The following NUP160 variants were observed in gnomAD, a reference collection of about 807,000 sequenced individuals.
NUP160 encodes the protein nuclear pore complex protein Nup160.
A neutral mutation model predicts 196.9 loss-of-function variants in NUP160; 94 were observed. The ratio of observed to expected loss-of-function variants is 0.48; its 90% CI spans 0.40 to 0.57. The LOEUF (loss-of-function observed/expected upper bound fraction) is 0.57, where lower values mean the gene tolerates loss of function less well. Among genes scored for constraint, NUP160 ranks in the 20% least tolerant of loss-of-function variants. NUP160 has a pLI of 0.00. For missense variants in NUP160, 1,638 were observed against 1,748.3 expected, an observed-to-expected ratio of 0.94 and a Z score of 1.13; for synonymous variants, 605 against 619.7, an observed-to-expected ratio of 0.98 and a Z score of 0.35.
At chr11:47,819,659 T>C (rs1415503054) in intron 9 of NUP160, among the ~76,000 whole-genome samples, 1 of 152,186 alleles carries the variant, frequency 6.6e-6, no homozygotes, top group Admixed American at 6.5e-5. Context: ...CAAGTTTGCT[T>C]ACCATGTTTT....
chr11:47,779,096 C>A (rs532012888), exon 36 of NUP160: 1 of 1,607,796 alleles, frequency 6.2e-7, no homozygotes, highest in African/African-American at 1.3e-5. Flanking sequence ...GGCTAGGTGA[C>A]AATCCAAATC....
At chr11:47,822,731 C>G (rs1289441678) in intron 7 of NUP160, among the ~76,000 whole-genome samples, 1 of 152,158 alleles carries the variant, frequency 6.6e-6, no homozygotes, top group Non-Finnish European at 1.5e-5. Flanking sequence ...CCCCCTACCC[C>G]ACGACAGGTG....
chr11:47,843,850 C>A lies in NUP160; in HGVS notation c.315-3262G>T, dbSNP rs576005017. Among the ~76,000 whole-genome samples the A allele has an allele frequency of 2.0e-5, 3 of 152,316 alleles. No homozygotes were observed. In the South Asian group the frequency reaches 6.2e-4, roughly 32 times the overall value. ...ATGCCAACAATTTCACAATCTGTAT[C>A]TTTAGCCCAACTTCTCCACTCAACT... is the stretch of plus-strand genomic sequence containing the variant. On this transcript the variant is annotated intron_variant, in intron 2 of 35. Coordinates refer to ENST00000378460, the Ensembl canonical transcript of NUP160.
At chr11:47,786,931 G>A (rs1045614418) in intron 31 of NUP160, 1 of 216,504 alleles carries the variant, frequency 4.6e-6, no homozygotes, top group African/African-American at 2.4e-5. Flanking sequence ...TGGGACTACA[G>A]GCCCATGCCA....
At chr11:47,778,799 T>A (rs768829188) in exon 36 of NUP160, 2 of 210,764 alleles carry the variant, frequency 9.5e-6, no homozygotes, top group Non-Finnish European at 9.6e-6. Flanking sequence ...TGAAGGTGAG[T>A]CTTAATTTGC....
chr11:47,841,577 GT>G (rs1852298222), intron 2 of NUP160: 1 of 429,212 alleles, frequency 2.3e-6, no homozygotes, highest in Non-Finnish European at 4.6e-6. Context: ...GGATCTACGA[GT>G]TTGCCACCGA....
chr11:47,785,999 C>T (rs767998853), intron 32 of NUP160, among the ~76,000 whole-genome samples: 2 of 152,128 alleles, frequency 1.3e-5, no homozygotes, highest in African/African-American at 2.4e-5. Flanking sequence ...GGGAAGTATA[C>T]GAACCAGAGG....
At chr11:47,787,994 T>C (rs1195966542) in intron 31 of NUP160, among the ~76,000 whole-genome samples, 188 bp downstream of exon 31, 1 of 152,168 alleles carries the variant, frequency 6.6e-6, no homozygotes, top group African/African-American at 2.4e-5. Flanking sequence ...AGTGCTGGGA[T>C]TACAGGCGTG....
At chr11:47,817,143 TTTTCTATTATTATTA>T (rs2135380309) in intron 11 of NUP160, among the ~76,000 whole-genome samples, 1 of 151,208 alleles carries the variant, frequency 6.6e-6, no homozygotes, top group African/African-American at 2.4e-5. Context: ...ACCTGGCTAT[TTTTCTATTATTATTA>T]TTTTTTTTAG....
chr11:47,799,314 G>T (rs2097672775), intron 23 of NUP160, among the ~76,000 whole-genome samples: 1 of 151,988 alleles, frequency 6.6e-6, no homozygotes, highest in Non-Finnish European at 1.5e-5. Flanking sequence ...TTGATCCCCT[G>T]ACCTCAGGTG....
intron 17 of NUP160, among the ~76,000 whole-genome samples, chr11:47,809,734 CAA>C (rs779243939): frequency 4.2e-3 from 199 of 47,870 alleles, no homozygotes; most frequent in Middle Eastern, 0.034. Context: ...GCAAGACTCT[CAA>C]AAAAAAAAAA....
At chr11:47,839,773 C>A in intron 4 of NUP160, 70 bp downstream of exon 4, 6 of 1,275,006 alleles carry the variant, frequency 4.7e-6, no homozygotes, top group Non-Finnish European at 6.9e-6. Flanking sequence ...CATTGGATGA[C>A]GAGGTTGAAC....
chr11:47,827,407 A>G (rs1245748280), intron 7 of NUP160, among the ~76,000 whole-genome samples: 1 of 151,064 alleles, frequency 6.6e-6, no homozygotes, highest in East Asian at 2.0e-4. Flanking sequence ...CATCACAATG[A>G]AAAAAAAAGA....
intron 31 of NUP160, chr11:47,786,898 C>T: frequency 4.0e-6 from 1 of 252,922 alleles, no homozygotes; most frequent in Non-Finnish European, 7.9e-6. Context: ...AAGTGATTCT[C>T]CTGTCTCAGC....
intron 17 of NUP160, among the ~76,000 whole-genome samples, chr11:47,811,328 G>A (rs543630325): frequency 6.6e-6 from 1 of 152,076 alleles, no homozygotes; most frequent in South Asian, 2.1e-4. Flanking sequence ...GGTCAACATG[G>A]TGAAACCCTG....
intron 23 of NUP160, among the ~76,000 whole-genome samples, chr11:47,801,028 C>G (rs553636216): frequency 2.0e-5 from 3 of 152,122 alleles, no homozygotes; most frequent in Non-Finnish European, 2.9e-5. Flanking sequence ...ATAGAGCATG[C>G]GCTTGACTTG....
At position 47,821,835 on chromosome 11, in the gene NUP160, T is replaced by A. The variant is rs1851863822; in HGVS notation, c.1180-14A>T. The A allele has an allele frequency of 1.9e-6, 3 of 1,597,046 alleles. No individual in the cohort carries two copies. Among genetic ancestry groups the A allele is most frequent in the Non-Finnish European group, 2.6e-6 (3 of 1,165,462 alleles). ...AATCAGTGTCTCCTAGGAGGAAATGTGGGAAAAAAAGGGATAAAATAAGAA... is the reference window on the plus strand; with the variant it reads ...AATCAGTGTCTCCTAGGAGGAAATGAGGGAAAAAAAGGGATAAAATAAGAA... On this transcript the variant is annotated splice_polypyrimidine_tract_variant and intron_variant, in intron 8 of 35. Transcript: ENST00000378460.
rs2097683808 is a variant in NUP160, at chr11:47,815,394, G to T, written c.1686+85C>A. The T allele has an allele frequency of 3.7e-6, 4 of 1,076,122 alleles. No homozygotes were observed. The East Asian group carries it at 8.1e-5, about 22-fold the overall frequency. 66.7% of individuals were successfully genotyped at this position (1,076,122 alleles called of 1,614,324 possible). On this transcript the variant is annotated intron_variant, in intron 13 of 35. Coordinates refer to ENST00000378460, the Ensembl canonical transcript of NUP160. ...AGACTAACATTCGGCAAGAGCCACT[G>T]AACTTTTTGTTTTCTGAAGGCATTT... is the stretch of plus-strand genomic sequence containing the variant.
In NUP160 at chr11:47,824,045, A is replaced by ATATATATATATATATATG. The variant is rs1565203496; in HGVS notation, c.1102-1882_1102-1881insCATATATATATATATATA. Among the ~76,000 whole-genome samples the ATATATATATATATATATG allele has an allele frequency of 1.9e-3, 182 of 98,332 alleles. 1 individual carries two copies. Among genetic ancestry groups the ATATATATATATATATATG allele is most frequent in the African/African-American group, 5.5e-3 (171 of 31,318 alleles). The allele number at this position is 98,332 out of a possible 152,430, so 64.5% of individuals were successfully genotyped here. On this transcript the variant is annotated intron_variant, in intron 7 of 35. Transcript: ENST00000378460. ...TATATATATATATATATATATATAT[A>ATATATATATATATATATG]TATATATACACACACACATAGAAGT...
Sources: allele counts gnomAD v4.1 joint callset (sites outside exome capture counted in the v4.1 genomes callset), GRCh38; gene constraint gnomAD v4.1.1; transcripts MANE v1.5; gene names NCBI Gene and HGNC (gene_info 2026-07-23, HGNC 2026-07-21).